Variants in DAAM1 observed in about 807,000 individuals in gnomAD.
DAAM1 encodes dishevelled associated activator of morphogenesis 1.
Under a neutral mutation model 130.0 loss-of-function variants are expected in DAAM1, and 52 were observed. The observed-to-expected ratio is 0.40, with a 90% CI of 0.32 to 0.50. DAAM1 has a LOEUF of 0.50. DAAM1 is among the 20% of genes least tolerant of loss of function. The probability of loss-of-function intolerance (pLI) is 0.61; values close to 1 mark genes in which losing one functional copy is unlikely to be tolerated. For missense variants in DAAM1, 1,134 were observed against 1,303.8 expected (o/e 0.87, Z 2.01); for synonymous variants, 452 against 444.5 (o/e 1.02, Z -0.21).
intron 1 of DAAM1, among the ~76,000 whole-genome samples, chr14:59,249,930 C>G (rs1483087983): frequency 1.3e-5 from 2 of 152,220 alleles, no homozygotes; most frequent in African/African-American, 4.8e-5. Context: ...TTCAGTCTTA[C>G]AAAAATATAA....
chr14:59,346,343 A>T (rs1213617812), intron 16 of DAAM1, among the ~76,000 whole-genome samples: 1 of 152,178 alleles, frequency 6.6e-6, no homozygotes. Flanking sequence ...AGCTTGCTCT[A>T]TATTTGTGTG....
intron 2 of DAAM1, among the ~76,000 whole-genome samples, chr14:59,281,420 G>T (rs542818781): frequency 2.0e-5 from 3 of 152,258 alleles, no homozygotes; most frequent in East Asian, 3.9e-4. Context: ...GCTAGCTTTG[G>T]AGTAAATTCA....
rs151102299 is a variant in DAAM1 at position 59,291,245 on chromosome 14, G to C, written c.212G>C (p.Arg71Thr). Residue 71 changes from arginine to threonine, a missense_variant, in exon 3 of 25, where the codon AGA (arginine) becomes ACA (threonine). This residue lies in a region of DAAM1 where 391 missense variants were observed against 521.6 expected (regional missense o/e 0.75). Transcript: ENST00000360909. ...GAACTGGACCTCACAGACAAACACAGAGAAGCCATGTTTGCACTTCCAGCT... is the reference window on the plus strand; with the variant it reads ...GAACTGGACCTCACAGACAAACACACAGAAGCCATGTTTGCACTTCCAGCT... The part of the protein sequence containing the change: ...VDELDLTDKH[R>T]EAMFALPAEK... The C allele has an allele frequency of 1.2e-6, 2 of 1,611,234 alleles. No individual in the cohort carries two copies. The highest frequency in any genetic ancestry group is 1.7e-6 in the Non-Finnish European group (2 of 1,179,334).
At chr14:59,284,573 G>A (rs1285422918) in intron 2 of DAAM1, among the ~76,000 whole-genome samples, 1 of 152,092 alleles carries the variant, frequency 6.6e-6, no homozygotes, top group African/African-American at 2.4e-5. Context: ...AAGGAAAACA[G>A]TAAAATGATC....
chr14:59,357,319 T>C, intron 20 of DAAM1: 1 of 152,356 alleles, frequency 6.6e-6, no homozygotes, highest in South Asian at 2.1e-4. Context: ...GCTCACTCCT[T>C]GTACCCCTTA....
At chr14:59,230,110 C>G (rs975318207) in intron 1 of DAAM1, among the ~76,000 whole-genome samples, 1 of 152,114 alleles carries the variant, frequency 6.6e-6, no homozygotes, top group African/African-American at 2.4e-5. Flanking sequence ...ACAACAGATC[C>G]GTCATTTCTC....
At chr14:59,247,884 A>C (rs1233950140) in intron 1 of DAAM1, among the ~76,000 whole-genome samples, 1 of 152,200 alleles carries the variant, frequency 6.6e-6, no homozygotes, top group Admixed American at 6.5e-5. Flanking sequence ...CATGTTGTGC[A>C]ACTTGGATGG....
chr14:59,365,900 T>TAACA (rs59874246), intron 23 of DAAM1, among the ~76,000 whole-genome samples: 3 of 152,250 alleles, frequency 2.0e-5, no homozygotes. Context: ...AGTATAATTT[T>TAACA]AACAAACAAT....
intron 1 of DAAM1, among the ~76,000 whole-genome samples, chr14:59,228,087 G>C (rs769618804): frequency 1.1e-4 from 17 of 151,932 alleles, no homozygotes; most frequent in Non-Finnish European, 2.2e-4. Context: ...CCCACAAGTT[G>C]TTTTTTCTTA....
chr14:59,367,168 A>T (rs1886950234), intron 23 of DAAM1, among the ~76,000 whole-genome samples: 1 of 152,058 alleles, frequency 6.6e-6, no homozygotes. Flanking sequence ...TGTGCCTGTA[A>T]TCCCAGCTAC....
At chr14:59,346,082 G>A (rs918694225) in intron 16 of DAAM1, among the ~76,000 whole-genome samples, 10 of 140,744 alleles carry the variant, frequency 7.1e-5, no homozygotes, top group East Asian at 2.4e-4. Context: ...AGCACTTTAC[G>A]TGCATTCATT....
Position 59,369,180 on chromosome 14 carries a change from A to ACTAT in DAAM1, c.*324_*327dup, listed in dbSNP as rs556770979. 1.2e-3 allele frequency: 231 copies of ACTAT among 200,850 alleles called. No homozygotes were observed. Among genetic ancestry groups the ACTAT allele is most frequent in the Non-Finnish European group, 1.7e-3 (164 of 99,112 alleles). The allele number at this position is 200,850 out of a possible 1,614,324, so 12.4% of individuals were successfully genotyped here. ...CGCCATGACTGTTCAGAAGCACAAT[A>ACTAT]CTATCTCCTGAAAGAGATAAGAGAC... On this transcript the variant is annotated 3_prime_UTR_variant, in exon 25 of 25. Coordinates refer to ENST00000360909, the MANE Select transcript of DAAM1 (RefSeq NM_001270520.2).
At chr14:59,210,143 AAAAC>A (rs1277029240) in intron 1 of DAAM1, among the ~76,000 whole-genome samples, 9 of 152,298 alleles carry the variant, frequency 5.9e-5, no homozygotes, top group South Asian at 2.1e-4. Context: ...CCCTGTCTCT[AAAAC>A]AAACAAACAA....
In DAAM1 at chr14:59,310,559, G is replaced by A. The variant is rs143896288; in HGVS notation, c.274-4721G>A. Among the ~76,000 whole-genome samples, 89 of 152,304 alleles carry A rather than the reference G, an allele frequency of 5.8e-4. 2 individuals are homozygous for A. The East Asian group carries it at 0.016, about 28-fold the overall frequency. On this transcript the variant is annotated intron_variant, in intron 3 of 24. Transcript: ENST00000360909. Reference sequence around the variant, plus strand: ...AGCAGGTTCTTTGCAAAGAGAGCAGGTTTTTATTAGCAATTATTTGCCTTT... The same window carrying A: ...AGCAGGTTCTTTGCAAAGAGAGCAGATTTTTATTAGCAATTATTTGCCTTT...
intron 1 of DAAM1, among the ~76,000 whole-genome samples, chr14:59,208,593 A>T (rs1051106005): frequency 6.6e-6 from 1 of 152,148 alleles, no homozygotes; most frequent in Non-Finnish European, 1.5e-5. Flanking sequence ...TTGCCTTTTG[A>T]CATCAGAGGG....
chr14:59,270,938 A>G (rs540185148), intron 2 of DAAM1, among the ~76,000 whole-genome samples: 23 of 152,312 alleles, frequency 1.5e-4, no homozygotes, highest in Admixed American at 5.2e-4. Flanking sequence ...TTTGAAGTGT[A>G]TTATAGTCAG....
rs553018544 is a variant in DAAM1 at position 59,194,157 on chromosome 14, C to T, written c.-38+5389C>T. On this transcript the variant is annotated intron_variant, in intron 1 of 24. Transcript: ENST00000360909. The stretch of plus-strand genomic sequence containing the variant: ...TGATGTTGCCTGGTTTCTGACTTTC[C>T]GGCACGTTATTCTTTTCTCTGCAAC... Among the ~76,000 whole-genome samples, 11 of 150,818 alleles carry T rather than the reference C, an allele frequency of 7.3e-5. No individual in the cohort carries two copies. In the South Asian group the frequency reaches 8.5e-4, roughly 12 times the overall value.
chr14:59,266,809 G>T (rs1156739020), intron 2 of DAAM1, among the ~76,000 whole-genome samples: 2 of 152,204 alleles, frequency 1.3e-5, no homozygotes, highest in Non-Finnish European at 2.9e-5. Flanking sequence ...CACATGTGGT[G>T]GTGGACAGTG....
At chr14:59,299,624 A>G (rs1884093109) in intron 3 of DAAM1, 1 of 152,178 alleles carries the variant, frequency 6.6e-6, no homozygotes, top group African/African-American at 2.4e-5. Flanking sequence ...ACGGCAGGAT[A>G]TTTCAGAGGC....
Sources: allele counts gnomAD v4.1 joint callset (sites outside exome capture counted in the v4.1 genomes callset), GRCh38; gene constraint gnomAD v4.1.1; regional missense constraint gnomAD v4.1.1; transcripts MANE v1.5; gene names NCBI Gene and HGNC (gene_info 2026-07-23, HGNC 2026-07-21).